Variants in PRDM1 observed in about 807,000 individuals in gnomAD.
The protein encoded by PRDM1 is PR domain zinc finger protein 1.
Under a neutral mutation model 62.8 loss-of-function variants are expected in PRDM1, and 13 were observed. That is an observed-to-expected ratio of 0.21 (90% confidence interval 0.13 to 0.33). The LOEUF (loss-of-function observed/expected upper bound fraction) is 0.33, where lower values mean the gene tolerates loss of function less well. PRDM1 is among the 10% of genes least tolerant of loss of function. The probability of loss-of-function intolerance (pLI) is 1.00; values close to 1 mark genes in which losing one functional copy is unlikely to be tolerated. For missense variants in PRDM1, 895 were observed against 1,058.8 expected, an observed-to-expected ratio of 0.85 and a Z score of 2.15; for synonymous variants, 396 against 417.6, an observed-to-expected ratio of 0.95 and a Z score of 0.63.
chr6:106,035,779 T>C (rs996949903), intron 1 of PRDM1, among the ~76,000 whole-genome samples: 5 of 152,246 alleles, frequency 3.3e-5, no homozygotes, highest in Non-Finnish European at 5.9e-5. Flanking sequence ...CTCTTATAGA[T>C]AACATAAAAT....
At chr6:106,024,006 G>T (rs1038806908) in intron 1 of PRDM1, among the ~76,000 whole-genome samples, 4 of 152,060 alleles carry the variant, frequency 2.6e-5, no homozygotes, top group Non-Finnish European at 5.9e-5. Context: ...GCCAGGCATG[G>T]TAGCACGCGC....
intron 1 of PRDM1, among the ~76,000 whole-genome samples, chr6:106,055,490 A>G (rs1773249879): frequency 1.3e-5 from 2 of 152,194 alleles, no homozygotes; most frequent in African/African-American, 4.8e-5. Flanking sequence ...TTTAAATGGA[A>G]AATGCTTGTC....
upstream of PRDM1, among the ~76,000 whole-genome samples, chr6:105,992,753 C>T (rs1234525216): frequency 2.0e-5 from 3 of 152,248 alleles, no homozygotes; most frequent in Non-Finnish European, 4.4e-5. Flanking sequence ...CCCTCCACTT[C>T]AGGTCCCCCT....
In PRDM1 at chr6:106,016,382, T is replaced by C. The variant is rs184863121; in HGVS notation, c.-67+22743T>C. Among the ~76,000 whole-genome samples the C allele has an allele frequency of 3.0e-3, 455 of 152,272 alleles. 1 individual carries two copies. The highest frequency in any genetic ancestry group is 4.8e-3 in the Non-Finnish European group (327 of 68,020). On this transcript the variant is annotated intron_variant, in intron 1 of 6. Transcript: ENST00000652320. ...TTTTTAAAAATTTATATTATTTACA[T>C]TTATCTTTCCTTCTAGCCTGGGAAC... is the stretch of plus-strand genomic sequence containing the variant.
intron 1 of PRDM1, among the ~76,000 whole-genome samples, chr6:106,052,897 ACTGAGGTTG>A: frequency 6.6e-6 from 1 of 152,090 alleles, no homozygotes; most frequent in East Asian, 1.9e-4. Context: ...AACTGGGAAG[ACTGAGGTTG>A]CAGTGAGCTG....
At chr6:106,022,132 T>G (rs114624045) in intron 1 of PRDM1, among the ~76,000 whole-genome samples, 1 of 152,184 alleles carries the variant, frequency 6.6e-6, no homozygotes, top group South Asian at 2.1e-4. Flanking sequence ...TAATGGTACT[T>G]CCATTGAAAG....
rs184880472 is a variant in PRDM1 at position 106,059,250 on chromosome 6, T to C, written c.-67+10536T>C. Reference sequence around the variant, plus strand: ...GTAGAAATAAAACAGTGTAAGGGAATAGAGAAACAGGCTAGGACACTATTT... The same window carrying C: ...GTAGAAATAAAACAGTGTAAGGGAACAGAGAAACAGGCTAGGACACTATTT... On this transcript the variant is annotated intron_variant, in intron 1 of 6. Transcript: ENST00000651185. Among the ~76,000 whole-genome samples, 352 of 152,140 alleles carry C rather than the reference T, an allele frequency of 2.3e-3. 1 individual carries two copies. The highest frequency in any genetic ancestry group is 4.0e-3 in the Non-Finnish European group (272 of 67,988).
rs76447339 is a variant in PRDM1 at position 106,050,722 on chromosome 6, C to T, written c.-67+2008C>T. Among the ~76,000 whole-genome samples, 1,087 of 152,244 alleles carry T rather than the reference C, an allele frequency of 7.1e-3. 13 individuals are homozygous for T. Among genetic ancestry groups the T allele is most frequent in the African/African-American group, 0.025 (1,038 of 41,538 alleles). ...TCTTACACAGTTACACCTTCAAACA[C>T]GTATTTTGTAACAGTCAGTACTTAG... is the stretch of plus-strand genomic sequence containing the variant. On this transcript the variant is annotated intron_variant, in intron 1 of 6. Coordinates refer to the PRDM1 transcript ENST00000651185.
In PRDM1 at chr6:106,107,158, G is replaced by A. The variant is rs371636400; in HGVS notation, c.2150G>A (p.Gly717Glu). Reference protein sequence around the residue: ...KGNCAAAPAPGLPLEDLTRIN... With the variant: ...KGNCAAAPAPELPLEDLTRIN... Reference sequence around the variant, plus strand: ...AACTGCGCTGCGGCCCCGGCGCCTGGGCTGCCCTTGGAAGATCTGACCCGA... The same window carrying A: ...AACTGCGCTGCGGCCCCGGCGCCTGAGCTGCCCTTGGAAGATCTGACCCGA... The change falls in exon 7 of 7, where the codon GGG (glycine) becomes GAG (glutamate). Residue 717 changes from glycine (G) to glutamate (E), a missense_variant. Physicochemically the swap from Gly to Glu is moderately conservative, Grantham distance 98. This residue lies in a region of PRDM1 where 164 missense variants were observed against 179.9 expected (regional missense o/e 0.91). Coordinates refer to ENST00000369096, the MANE Select transcript of PRDM1 (RefSeq NM_001198.4). 1.5e-5 allele frequency: 25 copies of A among 1,614,110 alleles called. No homozygotes were observed. In the Middle Eastern group the frequency reaches 4.9e-4, roughly 32 times the overall value.
chr6:106,048,805 C>G (rs1350472481), intron 1 of PRDM1, among the ~76,000 whole-genome samples: 1 of 152,112 alleles, frequency 6.6e-6, no homozygotes, highest in Non-Finnish European at 1.5e-5. Context: ...GCTCTTTTCT[C>G]TAAATGTGAA....
intron 1 of PRDM1, among the ~76,000 whole-genome samples, chr6:106,026,817 GAGA>G (rs1316559711): frequency 6.6e-6 from 1 of 152,240 alleles, no homozygotes; most frequent in Non-Finnish European, 1.5e-5. Context: ...GGTCATGGAT[GAGA>G]AGAAGCAAGC....
intron 1 of PRDM1, among the ~76,000 whole-genome samples, chr6:106,033,230 C>A (rs1288507082): frequency 3.9e-5 from 6 of 151,972 alleles, no homozygotes; most frequent in African/African-American, 1.5e-4. Context: ...ATCTGTAACT[C>A]CTGGGCCCAA....
At chr6:106,005,423 G>A (rs756707168) in intron 1 of PRDM1, among the ~76,000 whole-genome samples, 2 of 152,208 alleles carry the variant, frequency 1.3e-5, no homozygotes, top group Non-Finnish European at 2.9e-5. Context: ...TGTCAACCAG[G>A]TGTTTAATTT....
intron 1 of PRDM1, among the ~76,000 whole-genome samples, chr6:105,996,158 G>C (rs895973923): frequency 6.6e-6 from 1 of 151,982 alleles, no homozygotes; most frequent in African/African-American, 2.4e-5. Context: ...CATAAACTAA[G>C]TCTTATAAAG....
At chr6:106,048,195 G>A (rs1440428725), upstream of PRDM1, among the ~76,000 whole-genome samples, 2 of 138,966 alleles carry the variant, frequency 1.4e-5, no homozygotes, top group Non-Finnish European at 3.0e-5. Context: ...CCCGGACAAC[G>A]TAGGGAGACC....
rs923179012 is a variant in PRDM1, at chr6:106,109,860, T to G, written c.*2374T>G. 1 of 232,186 alleles carries G rather than the reference T, an allele frequency of 4.3e-6. No homozygotes were observed. Among genetic ancestry groups the G allele is most frequent in the African/African-American group, 2.2e-5 (1 of 45,294 alleles). The allele number at this position is 232,186 out of a possible 1,614,324, so 14.4% of individuals were successfully genotyped here. ...CTAGAACAACAAACTATCTTATGTT[T>G]ACATACTGGTTTACAATGTTATTTA... On this transcript the variant is annotated 3_prime_UTR_variant, in exon 7 of 7. Coordinates refer to ENST00000369096, the MANE Select transcript of PRDM1 (RefSeq NM_001198.4).
At chr6:106,030,717 A>G (rs781436385) in intron 1 of PRDM1, among the ~76,000 whole-genome samples, 1 of 152,182 alleles carries the variant, frequency 6.6e-6, no homozygotes, top group Non-Finnish European at 1.5e-5. Context: ...GTATGGTGAT[A>G]AGGGTCAATT....
At chr6:106,066,400 G>A (rs1773434368) in intron 1 of PRDM1, among the ~76,000 whole-genome samples, 1 of 152,184 alleles carries the variant, frequency 6.6e-6, no homozygotes, top group Non-Finnish European at 1.5e-5. Flanking sequence ...ACGATTATCA[G>A]ATTTTAATAA....
chr6:106,055,431 T>A (rs541534995), intron 1 of PRDM1, among the ~76,000 whole-genome samples: 24 of 152,352 alleles, frequency 1.6e-4, no homozygotes, highest in African/African-American at 5.1e-4. Context: ...TTCACTATTA[T>A]AACTAGTTGT....
Sources: gnomAD v4.1 joint callset for allele counts (sites outside exome capture counted in the v4.1 genomes callset) on GRCh38, gnomAD v4.1.1 for gene constraint, gnomAD v4.1.1 regional missense constraint, MANE v1.5 for transcripts, NCBI Gene and HGNC (gene_info 2026-07-23, HGNC 2026-07-21) for gene names.